The following UBE2E3 variants were observed in gnomAD, a reference collection of about 807,000 sequenced individuals.
The protein encoded by UBE2E3 is ubiquitin-conjugating enzyme E2 E3.
In UBE2E3, 5 loss-of-function variants were observed where a neutral mutation model predicts 23.6. The observed-to-expected ratio is 0.21, with a 90% CI of 0.11 to 0.44. UBE2E3 has a LOEUF of 0.44. UBE2E3 is among the 20% of genes least tolerant of loss of function. UBE2E3 has a pLI of 0.99. For synonymous variants in UBE2E3, 78 were observed against 87.5 expected (o/e 0.89, Z 0.60); for missense variants, 81 against 249.8 (o/e 0.32, Z 4.55).
At chr2:181,056,837 G>C (rs1280146461) in intron 3 of UBE2E3, among the ~76,000 whole-genome samples, 1 of 151,736 alleles carries the variant, frequency 6.6e-6, no homozygotes, top group African/African-American at 2.4e-5. Flanking sequence ...TAGGAAAATT[G>C]GATAGCAGTT....
intron 3 of UBE2E3, among the ~76,000 whole-genome samples, chr2:180,995,381 T>A (rs1270027413): frequency 6.6e-6 from 1 of 152,166 alleles, no homozygotes; most frequent in Non-Finnish European, 1.5e-5. Flanking sequence ...GTACTGTAAA[T>A]GTATTTTATC....
At chr2:180,997,988 G>T (rs890690057) in intron 3 of UBE2E3, among the ~76,000 whole-genome samples, 1 of 151,992 alleles carries the variant, frequency 6.6e-6, no homozygotes, top group Non-Finnish European at 1.5e-5. Context: ...CTAGGACTGG[G>T]TATAGCTCTT....
intron 3 of UBE2E3, among the ~76,000 whole-genome samples, chr2:181,018,081 G>A (rs1455572433): frequency 6.6e-6 from 1 of 151,928 alleles, no homozygotes; most frequent in Non-Finnish European, 1.5e-5. Context: ...GGCTGCTACA[G>A]TGATTGTGCT....
intron 3 of UBE2E3, among the ~76,000 whole-genome samples, chr2:181,045,018 G>T (rs1686628601): frequency 6.6e-6 from 1 of 152,118 alleles, no homozygotes; most frequent in African/African-American, 2.4e-5. Context: ...CCTTCCTCTA[G>T]TAGTATACCT....
chr2:181,055,386 T>C (rs927669492), intron 3 of UBE2E3, among the ~76,000 whole-genome samples: 4 of 151,858 alleles, frequency 2.6e-5, no homozygotes, highest in African/African-American at 9.6e-5. Flanking sequence ...GCCTCTAATA[T>C]GATTTGTTTA....
At chr2:181,022,222 A>C (rs1685726668) in intron 3 of UBE2E3, among the ~76,000 whole-genome samples, 1 of 152,146 alleles carries the variant, frequency 6.6e-6, no homozygotes, top group Non-Finnish European at 1.5e-5. Flanking sequence ...ATTTTATAGG[A>C]AATGTAACCT....
At chr2:181,025,112 A>G (rs1409514160) in intron 3 of UBE2E3, among the ~76,000 whole-genome samples, 1 of 151,970 alleles carries the variant, frequency 6.6e-6, no homozygotes, top group Non-Finnish European at 1.5e-5. Context: ...CTCAAGAAGT[A>G]AAAAATACCA....
intron 3 of UBE2E3, among the ~76,000 whole-genome samples, chr2:181,032,317 C>A (rs902705005): frequency 2.0e-5 from 3 of 152,090 alleles, no homozygotes; most frequent in Admixed American, 2.0e-4. Flanking sequence ...AATTTTTAAT[C>A]GGTAATATTT....
chr2:181,011,454 A>G (rs916031262), intron 3 of UBE2E3, among the ~76,000 whole-genome samples: 4 of 152,106 alleles, frequency 2.6e-5, no homozygotes, highest in East Asian at 3.9e-4. Flanking sequence ...CAGAGGTTCT[A>G]CTTCCTAATA....
chr2:181,030,439 C>T (rs1472691178), intron 3 of UBE2E3, among the ~76,000 whole-genome samples: 3 of 151,972 alleles, frequency 2.0e-5, no homozygotes, highest in Non-Finnish European at 4.4e-5. Context: ...TCCAATTTGG[C>T]AATATATATT....
chr2:181,056,036 T>C (rs79719017), intron 3 of UBE2E3, among the ~76,000 whole-genome samples: 34,540 of 150,150 alleles, frequency 0.23, 4,303 homozygotes, highest in Non-Finnish European at 0.28. Flanking sequence ...GGAAAAATGT[T>C]TGATTCCAAG....
intron 3 of UBE2E3, among the ~76,000 whole-genome samples, chr2:181,013,162 C>A (rs186465877): frequency 6.6e-6 from 1 of 152,090 alleles, no homozygotes; most frequent in East Asian, 1.9e-4. Flanking sequence ...ATGTTAATTG[C>A]AACAAAGGAA....
rs1462195342 is a variant in UBE2E3 at position 181,041,230 on chromosome 2, G to A, written c.246-16463G>A. On this transcript the variant is annotated intron_variant, in intron 3 of 5. Transcript: ENST00000410062. ...GCCACTAACGACAGAGCAAGACTCCGTCTCAAAAAAAAAAAAAAAAAAAGA... is the reference window on the plus strand; with the variant it reads ...GCCACTAACGACAGAGCAAGACTCCATCTCAAAAAAAAAAAAAAAAAAAGA... Among the ~76,000 whole-genome samples, 3 of 76,126 alleles carry A rather than the reference G, an allele frequency of 3.9e-5. No homozygotes were observed. The East Asian group carries it at 1.6e-3, about 41-fold the overall frequency. 49.9% of individuals were successfully genotyped at this position (76,126 alleles called of 152,430 possible).
At chr2:180,993,750 C>G (rs1684743171) in intron 3 of UBE2E3, among the ~76,000 whole-genome samples, 1 of 152,108 alleles carries the variant, frequency 6.6e-6, no homozygotes, top group Admixed American at 6.5e-5. Context: ...TCCATTTATT[C>G]AGGGTCCCGA....
At chr2:181,004,911 C>A (rs187574929) in intron 3 of UBE2E3, among the ~76,000 whole-genome samples, 15 of 152,112 alleles carry the variant, frequency 9.9e-5, no homozygotes, top group African/African-American at 3.1e-4. Context: ...CAATGTCTTA[C>A]GAAGAAAATA....
At chr2:181,057,345 G>A (rs897720801) in intron 3 of UBE2E3, among the ~76,000 whole-genome samples, 11 of 151,862 alleles carry the variant, frequency 7.2e-5, no homozygotes, top group Admixed American at 2.6e-4. Flanking sequence ...CAACTTTCAG[G>A]TGACTCAGAA....
chr2:181,060,811 T>G lies in UBE2E3; in HGVS notation c.525T>G (p.Pro175=). ...GTTCCCTTTTGACAGACTGCAACCC[T>G]GGTAAGCAAATCTTTATTAACATGT... ...SICSLLTDCN[P]ADPLVGSIAT... The change falls in exon 5 of 6, where the codon CCT becomes CCG. Residue 175 remains proline, a splice_region_variant and synonymous_variant. Coordinates refer to ENST00000410062, the MANE Select transcript of UBE2E3 (RefSeq NM_006357.4). 6.5e-7 allele frequency: 1 copy of G among 1,547,436 alleles called. No homozygotes were observed. The highest frequency in any genetic ancestry group is 8.7e-7 in the Non-Finnish European group (1 of 1,143,870).
At chr2:180,985,578 C>T (rs907889376) in intron 3 of UBE2E3, among the ~76,000 whole-genome samples, 1 of 151,918 alleles carries the variant, frequency 6.6e-6, no homozygotes, top group African/African-American at 2.4e-5. Flanking sequence ...TGAACAGTGC[C>T]GCTTTAGAGA....
intron 3 of UBE2E3, among the ~76,000 whole-genome samples, chr2:181,043,704 C>T (rs752381320): frequency 1.3e-5 from 2 of 152,106 alleles, no homozygotes; most frequent in Non-Finnish European, 2.9e-5. Context: ...GTTATTTCCA[C>T]CCATCCTCTT....
Sources: allele counts gnomAD v4.1 joint callset (sites outside exome capture counted in the v4.1 genomes callset), GRCh38; gene constraint gnomAD v4.1.1; transcripts MANE v1.5; gene names NCBI Gene and HGNC (gene_info 2026-07-23, HGNC 2026-07-21).